IFT80: variants seen among roughly 807,000 people sequenced by gnomAD.
IFT80 encodes intraflagellar transport 80.
In IFT80, 79 loss-of-function variants were observed where a neutral mutation model predicts 107.9. That is an observed-to-expected ratio of 0.73 (90% confidence interval 0.61 to 0.88). The LOEUF is 0.88. Ranked by LOEUF, IFT80 falls within the 40% of genes least tolerant of loss-of-function variation. The pLI is 0.00. For missense variants in IFT80, 797 were observed against 914.2 expected, an observed-to-expected ratio of 0.87 and a Z score of 1.65; for synonymous variants, 299 against 300.9, an observed-to-expected ratio of 0.99 and a Z score of 0.07.
At chr3:160,357,672 C>A in intron 6 of IFT80, 94 bp from the exon 7 acceptor site, 1 of 720,820 alleles carries the variant, frequency 1.4e-6, no homozygotes, top group Non-Finnish European at 2.5e-6. Flanking sequence ...CTAATGACTC[C>A]TTTGTCATCT....
intron 19 of IFT80, among the ~76,000 whole-genome samples, chr3:160,267,545 T>A (rs1338407047): frequency 6.6e-6 from 1 of 152,204 alleles, no homozygotes; most frequent in Admixed American, 6.5e-5. Flanking sequence ...CCCTGTCTTG[T>A]AATCACAGCT....
At chr3:160,333,339 A>T (rs971406662) in intron 8 of IFT80, among the ~76,000 whole-genome samples, 16 of 152,140 alleles carry the variant, frequency 1.1e-4, no homozygotes, top group Non-Finnish European at 2.1e-4. Flanking sequence ...TAAAGTTATT[A>T]AAAAAATTTT....
In IFT80 at chr3:160,285,845, T is replaced by C. The variant is rs1715048069; in HGVS notation, c.1339A>G (p.Thr447Ala). Residue 447 changes from threonine to alanine, a missense_variant, in exon 13 of 20, where the codon ACC (threonine) becomes GCC (alanine). Coordinates refer to ENST00000326448, the MANE Select transcript of IFT80 (RefSeq NM_020800.3). ...EKIIFLFEASTGKPLGDGKFL... is the reference protein window; with the variant it reads ...EKIIFLFEASAGKPLGDGKFL... ...TTTCCATCACCTAACGGCTTTCCGG[T>C]TGATGCCTCAAAGAGGAAGATTACT... 6.2e-7 allele frequency: 1 copy of C among 1,612,158 alleles called. No homozygotes were observed. Among genetic ancestry groups the C allele is most frequent in the Non-Finnish European group, 8.5e-7 (1 of 1,178,684 alleles).
chr3:160,387,803 A>G (rs544983918), intron 1 of IFT80, among the ~76,000 whole-genome samples: 6 of 152,326 alleles, frequency 3.9e-5, no homozygotes, highest in Admixed American at 1.3e-4. Context: ...AAGCCATGGA[A>G]TAAGATGAAA....
In IFT80 at chr3:160,277,380, A is replaced by G; in HGVS notation, c.2025T>C (p.Ala675=). The change falls in exon 18 of 20, where the codon GCT becomes GCC. Residue 675 remains alanine (A), a synonymous_variant. Transcript: ENST00000326448. The part of the protein sequence containing the change: ...ILLFSGNIQE[A]EIVLLQAGLV... The stretch of plus-strand genomic sequence containing the variant: ...GGCCAGCCTGAAGAAGTACTATTTC[A>G]GCCTCCTGTATGTTCCCACTAAACA... 1 of 1,613,756 alleles carries G rather than the reference A, an allele frequency of 6.2e-7. No individual in the cohort carries two copies. Among genetic ancestry groups the G allele is most frequent in the Non-Finnish European group, 8.5e-7 (1 of 1,179,784 alleles).
At chr3:160,344,472 A>C (rs1720140954) in intron 8 of IFT80, among the ~76,000 whole-genome samples, 1 of 152,130 alleles carries the variant, frequency 6.6e-6, no homozygotes, top group African/African-American at 2.4e-5. Flanking sequence ...TAAATCGAAG[A>C]CCCAAACTAT....
At chr3:160,345,400 T>A (rs115821539) in intron 8 of IFT80, among the ~76,000 whole-genome samples, 1 of 151,990 alleles carries the variant, frequency 6.6e-6, no homozygotes, top group African/African-American at 2.4e-5. Flanking sequence ...ATTGAACTCA[T>A]GGAGATAGAG....
chr3:160,257,662 C>A lies in IFT80; in HGVS notation c.*863G>T, dbSNP rs531652293. 1.4e-4 allele frequency: 21 copies of A among 152,238 alleles called. No individual in the cohort carries two copies. The highest frequency in any genetic ancestry group is 4.8e-4 in the African/African-American group (20 of 41,530). The allele number at this position is 152,238 out of a possible 1,614,324, so 9.4% of individuals were successfully genotyped here. A position where few individuals can be genotyped will look rare whatever the true frequency, so the allele number is the denominator to read the frequency against. ...TATGGGTACAATTTAGTGGCATTAA[C>A]ATTCAAAATGTTGAGCAACCATCAT... On this transcript the variant is annotated 3_prime_UTR_variant, in exon 20 of 20. Coordinates refer to ENST00000326448, the MANE Select transcript of IFT80 (RefSeq NM_020800.3).
chr3:160,365,952 C>A, intron 6 of IFT80, 91 bp downstream of exon 6: 1 of 906,264 alleles, frequency 1.1e-6, no homozygotes, highest in East Asian at 2.4e-5. Flanking sequence ...TGTAAAAAGA[C>A]CACCCAGAAG....
chr3:160,277,968 A>C (rs1457913795), intron 16 of IFT80, among the ~76,000 whole-genome samples: 1 of 152,196 alleles, frequency 6.6e-6, no homozygotes, highest in Non-Finnish European at 1.5e-5. Flanking sequence ...ACGAGGTGTC[A>C]AAAAATGTAA....
At chr3:160,296,781 C>A (rs1358203650) in intron 12 of IFT80, among the ~76,000 whole-genome samples, 1 of 152,138 alleles carries the variant, frequency 6.6e-6, no homozygotes, top group Non-Finnish European at 1.5e-5. Context: ...AGTCCTCACT[C>A]TAAGAGTCTA....
intron 9 of IFT80, among the ~76,000 whole-genome samples, chr3:160,308,091 G>C (rs1172764178): frequency 3.3e-5 from 5 of 152,146 alleles, no homozygotes; most frequent in African/African-American, 1.2e-4. Context: ...CTGAGATATA[G>C]TCAAAGGAGG....
intron 5 of IFT80, among the ~76,000 whole-genome samples, chr3:160,366,722 C>T (rs1721893727): frequency 6.6e-6 from 1 of 151,862 alleles, no homozygotes; most frequent in Admixed American, 6.6e-5. Flanking sequence ...TTATGGGGCA[C>T]ATGAGATCTT....
intron 2 of IFT80, chr3:160,383,453 A>G (rs752195791): frequency 7.9e-4 from 762 of 966,598 alleles, no homozygotes; most frequent in Non-Finnish European, 8.7e-4. Flanking sequence ...AAAATGTCTG[A>G]CCAAATGTTT....
chr3:160,313,424 T>C (rs1717561831), intron 9 of IFT80, among the ~76,000 whole-genome samples: 1 of 151,900 alleles, frequency 6.6e-6, no homozygotes, highest in Admixed American at 6.6e-5. Flanking sequence ...TAGATAGATT[T>C]CTTAAGATCC....
At chr3:160,313,018 AAT>A (rs1307243894) in intron 9 of IFT80, among the ~76,000 whole-genome samples, 3 of 87,116 alleles carry the variant, frequency 3.4e-5, no homozygotes, top group Non-Finnish European at 6.2e-5. Context: ...ATATATAATA[AAT>A]ATATATTATA....
intron 8 of IFT80, among the ~76,000 whole-genome samples, chr3:160,331,361 T>C (rs1220696827): frequency 6.6e-6 from 1 of 152,178 alleles, no homozygotes; most frequent in Non-Finnish European, 1.5e-5. Flanking sequence ...CTCAGAACAG[T>C]GTGCAATATA....
At chr3:160,329,363 T>C (rs1045446254) in intron 8 of IFT80, among the ~76,000 whole-genome samples, 7 of 152,140 alleles carry the variant, frequency 4.6e-5, no homozygotes, top group African/African-American at 1.7e-4. Context: ...CTGCCCTGGG[T>C]GTAATTTAGT....
In IFT80 at chr3:160,317,989, T is replaced by C. The variant is rs1261655873; in HGVS notation, c.957+1771A>G. On this transcript the variant is annotated intron_variant, in intron 9 of 19. Transcript: ENST00000326448. ...TATTAAGAAATTATTATTATTATTA[T>C]ATAATATGATAATGGTAGTGTGGTT... 4.0e-5 allele frequency among the ~76,000 whole-genome samples: 6 copies of C among 151,410 alleles called. No individual in the cohort carries two copies. In the East Asian group the frequency reaches 7.7e-4, roughly 19 times the overall value.
Sources: allele counts gnomAD v4.1 joint callset (sites outside exome capture counted in the v4.1 genomes callset), GRCh38; gene constraint gnomAD v4.1.1; transcripts MANE v1.5; gene names NCBI Gene and HGNC (gene_info 2026-07-23, HGNC 2026-07-21).